ICA1: variants seen among roughly 807,000 people sequenced by gnomAD.
ICA1 encodes 69 kDa islet cell autoantigen.
ICA1 carries 40 observed loss-of-function variants against 71.0 expected under a neutral mutation model. That is an observed-to-expected ratio of 0.56 (90% CI 0.44 to 0.73). The LOEUF (loss-of-function observed/expected upper bound fraction) is 0.73, where lower values mean the gene tolerates loss of function less well. ICA1 is among the 30% of genes least tolerant of loss of function. ICA1 has a pLI of 0.00. For synonymous variants in ICA1, 207 were observed against 209.5 expected, an observed-to-expected ratio of 0.99 and a Z score of 0.10; for missense variants, 578 against 576.5, an observed-to-expected ratio of 1.00 and a Z score of -0.03.
chr7:8,222,556 G>A lies in ICA1; in HGVS notation c.257-1158C>T, dbSNP rs116529257. ...ATAATCTCACTAACAATAATTGTAG[G>A]ACATTAGGCAGGAACCACAAATCCA... On this transcript the variant is annotated intron_variant, in intron 4 of 13. Coordinates refer to ENST00000402384, the MANE Select transcript of ICA1 (RefSeq NM_001136020.3). The surrounding 1 kb of genome is among the most constrained non-coding windows in gnomAD (Gnocchi z 4.8). 0.017 allele frequency among the ~76,000 whole-genome samples: 2,569 copies of A among 152,240 alleles called. 76 individuals are homozygous for A. Among genetic ancestry groups the A allele is most frequent in the African/African-American group, 0.058 (2,390 of 41,514 alleles).
At chr7:8,158,419 T>C (rs900816172) in intron 7 of ICA1, 108 bp downstream of exon 7, 4 of 1,403,578 alleles carry the variant, frequency 2.8e-6, no homozygotes, top group Non-Finnish European at 3.0e-6. Context: ...CGGAAAGGCA[T>C]TCAGAACTTC....
chr7:8,214,293 C>T (rs1794721069), intron 6 of ICA1, among the ~76,000 whole-genome samples: 1 of 152,232 alleles, frequency 6.6e-6, no homozygotes, highest in Admixed American at 6.5e-5. Context: ...AAGCTCACAA[C>T]TTCAGCTGAT....
chr7:8,117,766 C>T (rs1159285027), intron 13 of ICA1, among the ~76,000 whole-genome samples: 3 of 152,114 alleles, frequency 2.0e-5, no homozygotes, highest in Non-Finnish European at 4.4e-5. Context: ...GTTTGGAAGG[C>T]GAGTTCAGAT....
In ICA1 at chr7:8,138,826, C is replaced by T. The variant is rs1794238039; in HGVS notation, c.1060+14G>A. ...CAAACAAATCATAATCCCAAAGAAA[C>T]ACATAAATCTTACCACCTTCCTCAG... On this transcript the variant is annotated intron_variant, in intron 12 of 13. Transcript: ENST00000402384. 2 of 1,567,208 alleles carry T rather than the reference C, an allele frequency of 1.3e-6. No individual in the cohort carries two copies. Among genetic ancestry groups the T allele is most frequent in the Non-Finnish European group, 1.8e-6 (2 of 1,141,250 alleles).
rs28464766 is a variant in ICA1, at chr7:8,223,323, C to T, written c.257-1925G>A. On this transcript the variant is annotated intron_variant, in intron 4 of 13. Coordinates refer to ENST00000402384, the MANE Select transcript of ICA1 (RefSeq NM_001136020.3). This position sits in a 1 kb window ranked among gnomAD's most constrained non-coding sequence, Gnocchi z 4.1. ...CTAGGAAGAAACCAATTTGTGGTACCTGAATAATTACATGGTTGACAAAAT... is the reference window on the plus strand; with the variant it reads ...CTAGGAAGAAACCAATTTGTGGTACTTGAATAATTACATGGTTGACAAAAT... Among the ~76,000 whole-genome samples the T allele has an allele frequency of 0.098, 14,968 of 152,116 alleles. 1,836 individuals carry two copies. The highest frequency in any genetic ancestry group is 0.3 in the African/African-American group (12,272 of 41,416).
At chr7:8,171,629 G>A (rs1278254299) in intron 6 of ICA1, among the ~76,000 whole-genome samples, 3 of 151,694 alleles carry the variant, frequency 2.0e-5, no homozygotes, top group African/African-American at 4.8e-5. Context: ...ATTTGCCCCT[G>A]CTCTTAATTA....
intron 7 of ICA1, 154 bp from the exon 8 acceptor site, chr7:8,157,368 G>C (rs3807835): frequency 0.97 from 725,738 of 748,022 alleles, 352,236 homozygotes; most frequent in Middle Eastern, 0.98. Flanking sequence ...ATTACACTCT[G>C]TATTTCAGCC....
At chr7:8,232,835 C>T (rs1800673704) in intron 2 of ICA1, 80 bp from the exon 3 acceptor site, 1 of 1,214,798 alleles carries the variant, frequency 8.2e-7, no homozygotes, top group Non-Finnish European at 1.1e-6. Flanking sequence ...TTTCTTTAAA[C>T]ATGACTTTCC....
At chr7:8,180,385 C>CGTAT (rs1781842167) in intron 6 of ICA1, among the ~76,000 whole-genome samples, 4 of 152,056 alleles carry the variant, frequency 2.6e-5, no homozygotes, top group Non-Finnish European at 4.4e-5. Context: ...TGTATGGTAT[C>CGTAT]CTATTGAATG....
intron 6 of ICA1, among the ~76,000 whole-genome samples, chr7:8,165,248 T>C (rs1805478135): frequency 6.6e-6 from 1 of 152,244 alleles, no homozygotes. Context: ...TAACAATTTA[T>C]GTTACTTCAT....
intron 1 of ICA1, among the ~76,000 whole-genome samples, chr7:8,258,052 C>T (rs1010680896): frequency 6.6e-6 from 1 of 152,194 alleles, no homozygotes; most frequent in Non-Finnish European, 1.5e-5. Flanking sequence ...GGGCAATCTC[C>T]TCCATGAAGC....
At chr7:8,117,352 T>C (rs1033593894) in intron 13 of ICA1, among the ~76,000 whole-genome samples, 13 of 152,164 alleles carry the variant, frequency 8.5e-5, no homozygotes, top group Non-Finnish European at 2.9e-5. Flanking sequence ...TGCCCCAGAA[T>C]GGTTAAGAGG....
At chr7:8,232,537 C>A in intron 3 of ICA1, 53 bp downstream of exon 3, 2 of 1,517,208 alleles carry the variant, frequency 1.3e-6, no homozygotes, top group Non-Finnish European at 1.8e-6. Context: ...TACTCTAGGA[C>A]CTTGATCCTA....
chr7:8,131,848 G>T (rs547003371), intron 12 of ICA1, among the ~76,000 whole-genome samples: 2 of 152,294 alleles, frequency 1.3e-5, no homozygotes, highest in East Asian at 3.9e-4. Flanking sequence ...GAGAGATAAT[G>T]GAGACACATG....
chr7:8,227,060 TA>T (rs1160899784), intron 4 of ICA1, among the ~76,000 whole-genome samples: 9 of 152,184 alleles, frequency 5.9e-5, no homozygotes, highest in African/African-American at 2.2e-4. Flanking sequence ...CTTAAAAAAA[TA>T]AAGTTACAAT....
chr7:8,150,531 T>G (rs980351615), intron 8 of ICA1, among the ~76,000 whole-genome samples: 16 of 152,360 alleles, frequency 1.1e-4, no homozygotes, highest in Admixed American at 3.3e-4. Context: ...GCTTCAGGCC[T>G]TTCGGCTATT....
At chr7:8,245,686 T>C (rs1001145361) in intron 1 of ICA1, among the ~76,000 whole-genome samples, 1 of 152,224 alleles carries the variant, frequency 6.6e-6, no homozygotes, top group Admixed American at 6.5e-5. Context: ...TATTTCAACA[T>C]ATAACCAATA....
chr7:8,124,044 C>A (rs1313742845), intron 13 of ICA1, among the ~76,000 whole-genome samples: 1 of 151,790 alleles, frequency 6.6e-6, no homozygotes, highest in Non-Finnish European at 1.5e-5. Flanking sequence ...TGGCACGTAG[C>A]ACGTGCCACA....
chr7:8,162,310 G>A (rs1179415325), intron 6 of ICA1, among the ~76,000 whole-genome samples: 1 of 152,226 alleles, frequency 6.6e-6, no homozygotes, highest in Non-Finnish European at 1.5e-5. Flanking sequence ...AAGGCCATAT[G>A]CTTTGTATGT....
Sources: gnomAD v4.1 joint callset for allele counts (sites outside exome capture counted in the v4.1 genomes callset) on GRCh38, gnomAD v4.1.1 for gene constraint, Gnocchi (gnomAD v3.1) non-coding constraint, MANE v1.5 for transcripts, NCBI Gene and HGNC (gene_info 2026-07-23, HGNC 2026-07-21) for gene names.